Variants in NIP7 observed in about 807,000 individuals in gnomAD.
The protein encoded by NIP7 is nucleolar pre-rRNA processing protein NIP7.
In NIP7, 12 loss-of-function variants were observed where a neutral mutation model predicts 20.1. That is an observed-to-expected ratio of 0.60 (90% CI 0.38 to 0.97). The LOEUF (loss-of-function observed/expected upper bound fraction) is 0.97, where lower values mean the gene tolerates loss of function less well. Among genes scored for constraint, NIP7 ranks in the 50% least tolerant of loss-of-function variants. The pLI, the probability that NIP7 is intolerant of heterozygous loss-of-function variation, is 0.00. For synonymous variants in NIP7, 103 were observed against 87.2 expected, an observed-to-expected ratio of 1.18 and a Z score of -1.01; for missense variants, 226 against 226.6, an observed-to-expected ratio of 1.00 and a Z score of 0.02.
intron 4 of NIP7, 92 bp from the exon 5 acceptor site, chr16:69,341,441 A>G: frequency 6.3e-7 from 1 of 1,583,356 alleles, no homozygotes; most frequent in East Asian, 2.2e-5. Flanking sequence ...AAAGACCAGA[A>G]CTGTATTTTT....
chr16:69,341,758 T>C lies in NIP7; in HGVS notation c.*106T>C. Reference sequence around the variant, plus strand: ...GTTGAATTTTGTCAACACTCTGGCCTCTTCAGGGACTTCTTATTTACTGTA... The same window carrying C: ...GTTGAATTTTGTCAACACTCTGGCCCCTTCAGGGACTTCTTATTTACTGTA... On this transcript the variant is annotated 3_prime_UTR_variant, in exon 5 of 5. Coordinates refer to ENST00000254940, the MANE Select transcript of NIP7 (RefSeq NM_016101.5). 7.4e-7 allele frequency: 1 copy of C among 1,346,904 alleles called. No homozygotes were observed. The highest frequency in any genetic ancestry group is 1.0e-6 in the Non-Finnish European group (1 of 963,186). 83.4% of individuals were successfully genotyped at this position (1,346,904 alleles called of 1,614,324 possible). A position where few individuals can be genotyped will look rare whatever the true frequency, so the allele number is the denominator to read the frequency against.
Position 69,340,015 on chromosome 16 carries a change from G to T in NIP7, c.66G>T (p.Glu22Asp). The stretch of plus-strand genomic sequence containing the variant: ...CTCTTTTTGCCCTCAGCATTGGGGA[G>T]AATCTTCAACTGCTGGTGGACCGGC... ...MFEKIAKYIGENLQLLVDRPD... is the reference protein window; with the variant it reads ...MFEKIAKYIGDNLQLLVDRPD... The change falls in exon 2 of 5, where the codon GAG becomes GAT. Residue 22 changes from glutamate to aspartate, a missense_variant. Physicochemically the swap from Glu to Asp is conservative, Grantham distance 45. Transcript: ENST00000254940. The T allele has an allele frequency of 6.2e-7, 1 of 1,614,136 alleles. No individual in the cohort carries two copies. Among genetic ancestry groups the T allele is most frequent in the African/African-American group, 1.3e-5 (1 of 75,018 alleles).
At chr16:69,340,513 G>A in intron 3 of NIP7, 181 bp downstream of exon 3, 1 of 736,340 alleles carries the variant, frequency 1.4e-6, no homozygotes, top group Non-Finnish European at 2.2e-6. Context: ...AATGCTATGT[G>A]GCTGCGTAGG....
Position 69,340,230 on chromosome 16 carries a change from G to C in NIP7, c.180G>C (p.Gly60=). The C allele has an allele frequency of 6.2e-7, 1 of 1,614,120 alleles. No homozygotes were observed. Among genetic ancestry groups the C allele is most frequent in the Non-Finnish European group, 8.5e-7 (1 of 1,180,034 alleles). Residue 60 remains glycine, a synonymous_variant, in exon 3 of 5, where the codon GGG becomes GGC. Coordinates refer to ENST00000254940, the MANE Select transcript of NIP7 (RefSeq NM_016101.5). ...KIMKLAANIS[G]DKLVSLGTCF... ...TGAAGCTGGCCGCCAATATTTCCGG[G>C]GACAAGCTGGTGTCGCTGGGGACCT...
chr16:69,339,786 G>C lies in NIP7; in HGVS notation c.-44G>C, dbSNP rs991476430. 6 of 1,609,264 alleles carry C rather than the reference G, an allele frequency of 3.7e-6. No individual in the cohort carries two copies. The African/African-American group carries it at 8.0e-5, about 22-fold the overall frequency. The stretch of plus-strand genomic sequence containing the variant: ...AGCGAGCGACCGACTTCCGTTTCCA[G>C]TTACCAAGGCACGAGGATCCGGTGT... On this transcript the variant is annotated 5_prime_UTR_variant, in exon 1 of 5. Coordinates refer to ENST00000254940, the MANE Select transcript of NIP7 (RefSeq NM_016101.5).
At position 69,341,734 on chromosome 16, in the gene NIP7, T is replaced by A; in HGVS notation, c.*82T>A. ...TGTTTGTGTGGACTCCACCATCATGTTGAATTTTGTCAACACTCTGGCCTC... is the reference window on the plus strand; with the variant it reads ...TGTTTGTGTGGACTCCACCATCATGATGAATTTTGTCAACACTCTGGCCTC... On this transcript the variant is annotated 3_prime_UTR_variant, in exon 5 of 5. Transcript: ENST00000254940. 1 of 1,561,430 alleles carries A rather than the reference T, an allele frequency of 6.4e-7. No homozygotes were observed. Among genetic ancestry groups the A allele is most frequent in the East Asian group, 2.3e-5 (1 of 44,378 alleles).
At chr16:69,340,744 A>G (rs2012508537) in intron 3 of NIP7, 1 of 203,842 alleles carries the variant, frequency 4.9e-6, no homozygotes, top group Non-Finnish European at 1.0e-5. Context: ...TTTCTTCCTG[A>G]CACAGTTTCA....
In NIP7 at chr16:69,341,515, T is replaced by C. The variant is rs751809937; in HGVS notation, c.424-18T>C. The stretch of plus-strand genomic sequence containing the variant: ...TGAATGACTTCAGTGAGTTAGTGTC[T>C]CTTCTTTTGAATCCCAGGGTTTTGG... On this transcript the variant is annotated intron_variant, in intron 4 of 4. Transcript: ENST00000254940. The C allele has an allele frequency of 3.5e-5, 57 of 1,613,114 alleles. 1 individual carries two copies. Among genetic ancestry groups the C allele is most frequent in the Non-Finnish European group, 4.5e-5 (53 of 1,179,730 alleles).
Position 69,340,315 on chromosome 16 carries a change from C to G in NIP7, c.265C>G (p.Leu89Val). Residue 89 changes from leucine to valine, a missense_variant, in exon 3 of 5, where the codon CTT (leucine) becomes GTT (valine). Transcript: ENST00000254940. ...GTTGCACGTCACAGCTCTGGATTAC[C>G]TTGCACCTTATGCCAAGGTTTGTGG... ...FRLHVTALDYLAPYAKYKVWI... is the reference protein window; with the variant it reads ...FRLHVTALDYVAPYAKYKVWI... 1 of 1,613,218 alleles carries G rather than the reference C, an allele frequency of 6.2e-7. No homozygotes were observed. The highest frequency in any genetic ancestry group is 8.5e-7 in the Non-Finnish European group (1 of 1,180,008).
chr16:69,342,231 G>C lies in NIP7; in HGVS notation c.*579G>C, dbSNP rs1324417426. ...AGGTTCATTTTCTTCTGTTTAAAAA[G>C]ACACAAAACTTGAAAATCAGCTTTG... On this transcript the variant is annotated 3_prime_UTR_variant, in exon 5 of 5. Transcript: ENST00000254940. 1 of 152,128 alleles carries C rather than the reference G, an allele frequency of 6.6e-6. No individual in the cohort carries two copies. Among genetic ancestry groups the C allele is most frequent in the African/African-American group, 2.4e-5 (1 of 41,416 alleles). The allele number at this position is 152,128 out of a possible 1,614,324, so 9.4% of individuals were successfully genotyped here.
At chr16:69,340,490 G>T (rs1185441481) in intron 3 of NIP7, 158 bp downstream of exon 3, 15 of 924,690 alleles carry the variant, frequency 1.6e-5, no homozygotes, top group African/African-American at 3.3e-5. Flanking sequence ...CATGGTCAGG[G>T]CTATGGGATA....
chr16:69,339,945 G>A, intron 1 of NIP7, 60 bp downstream of exon 1: 1 of 1,612,952 alleles, frequency 6.2e-7, no homozygotes, highest in Non-Finnish European at 8.5e-7. Context: ...GGTGGAGTGG[G>A]GGCGCGGTGC....
At position 69,340,176 on chromosome 16, in the gene NIP7, C is replaced by A; in HGVS notation, c.144-18C>A. 2 of 1,613,434 alleles carry A rather than the reference C, an allele frequency of 1.2e-6. No homozygotes were observed. Among genetic ancestry groups the A allele is most frequent in the Non-Finnish European group, 1.7e-6 (2 of 1,179,990 alleles). ...AGCCTCCTTCATCCGCAACCTTGCT[C>A]CCCCTTTACCCTTTTAGTGAGAAGA... On this transcript the variant is annotated intron_variant, in intron 2 of 4. Coordinates refer to ENST00000254940, the MANE Select transcript of NIP7 (RefSeq NM_016101.5).
At position 69,341,284 on chromosome 16, in the gene NIP7, GGGCGTGGTGGTGTACTCCAT is replaced by G. The variant is rs1309352735; in HGVS notation, c.391_410del (p.Val131ArgfsTer39). ...TCACTGAAAATACTTCTCAGTACCA[GGGCGTGGTGGTGTACTCCAT>G]GGCAGACATCCCTTTGGTGAGTAGA... On this transcript the variant is annotated frameshift_variant, in exon 4 of 5. Transcript: ENST00000254940. LOFTEE classifies it high-confidence loss of function. The G allele has an allele frequency of 6.2e-7, 1 of 1,614,144 alleles. No individual in the cohort carries two copies. The highest frequency in any genetic ancestry group is 8.5e-7 in the Non-Finnish European group (1 of 1,180,014).
In NIP7 at chr16:69,340,265, A is replaced by G. The variant is rs370034486; in HGVS notation, c.215A>G (p.Lys72Arg). The change falls in exon 3 of 5, where the codon AAA becomes AGA. Residue 72 changes from lysine (K) to arginine (R), a missense_variant. Lys to Arg is a conservative substitution (Grantham distance 26). Transcript: ENST00000254940. ...GTGTCGCTGGGGACCTGCTTTGGAA[A>G]ATTCACTAAAACCCACAAGTTTCGG... Reference protein sequence around the residue: ...KLVSLGTCFGKFTKTHKFRLH... With the variant: ...KLVSLGTCFGRFTKTHKFRLH... 1.2e-6 allele frequency: 2 copies of G among 1,614,016 alleles called. No homozygotes were observed. Among genetic ancestry groups the G allele is most frequent in the Non-Finnish European group, 1.7e-6 (2 of 1,180,032 alleles).
Position 69,339,871 on chromosome 16 carries a change from G to C in NIP7, c.42G>C (p.Glu14Asp). The C allele has an allele frequency of 6.2e-7, 1 of 1,614,088 alleles. No individual in the cohort carries two copies. Reference sequence around the variant, plus strand: ...AAGAGGAGACCCGTGTCATGTTTGAGAAGATAGCGAAATAGTAGGAGCGCG... The same window carrying C: ...AAGAGGAGACCCGTGTCATGTTTGACAAGATAGCGAAATAGTAGGAGCGCG... ...LTEEETRVMF[E>D]KIAKYIGENL... is the part of the protein sequence containing the mutation. Residue 14 changes from glutamate to aspartate, a missense_variant, in exon 1 of 5, where the codon GAG (glutamate) becomes GAC (aspartate). By Grantham distance (45) the Glu-to-Asp change is conservative (BLOSUM62 2). Coordinates refer to ENST00000254940, the MANE Select transcript of NIP7 (RefSeq NM_016101.5).
At chr16:69,340,460 T>A in intron 3 of NIP7, 128 bp downstream of exon 3, 1 of 1,179,476 alleles carries the variant, frequency 8.5e-7, no homozygotes, top group Non-Finnish European at 1.2e-6. Context: ...TGGAGATGTG[T>A]AGAGGTCTTG....
chr16:69,339,944 G>C, intron 1 of NIP7, 59 bp downstream of exon 1: 1 of 1,612,930 alleles, frequency 6.2e-7, no homozygotes, highest in Non-Finnish European at 8.5e-7. Context: ...GGGTGGAGTG[G>C]GGGCGCGGTG....
chr16:69,341,338 C>G lies in NIP7; in HGVS notation c.423+18C>G, dbSNP rs368515517. ...TCCCTTTGGTGAGTAGAGATGGTAG[C>G]TGTTACAGAACTCAAGTACTCTTAT... On this transcript the variant is annotated intron_variant, in intron 4 of 4. Coordinates refer to ENST00000254940, the MANE Select transcript of NIP7 (RefSeq NM_016101.5). The G allele has an allele frequency of 6.2e-7, 1 of 1,612,406 alleles. No homozygotes were observed. The highest frequency in any genetic ancestry group is 8.5e-7 in the Non-Finnish European group (1 of 1,179,228).
Sources: allele counts gnomAD v4.1 joint callset, GRCh38; gene constraint gnomAD v4.1.1; transcripts MANE v1.5; gene names NCBI Gene and HGNC (gene_info 2026-07-23, HGNC 2026-07-21).